The following NAP1L4 variants were observed in gnomAD, a reference collection of about 807,000 sequenced individuals.
NAP1L4 encodes the protein nucleosome assembly protein 1-like 4.
NAP1L4 carries 15 observed loss-of-function variants against 58.2 expected under a neutral mutation model. The observed-to-expected ratio is 0.26, with a 90% CI of 0.17 to 0.40. The LOEUF is 0.40. NAP1L4 is among the 10% of genes least tolerant of loss of function. The pLI, the probability that NAP1L4 is intolerant of heterozygous loss-of-function variation, is 1.00. For missense variants in NAP1L4, 384 were observed against 451.1 expected (o/e 0.85, Z 1.35); for synonymous variants, 171 against 155.6 (o/e 1.10, Z -0.74).
At chr11:2,991,258 G>C (rs1209826022) in intron 1 of NAP1L4, 1 of 415,782 alleles carries the variant, frequency 2.4e-6, no homozygotes, top group East Asian at 7.3e-5. Flanking sequence ...AGAGAACTGT[G>C]GACGGTGGAA....
At chr11:2,972,270 A>G (rs772465819) in intron 4 of NAP1L4, 27 bp from the exon 5 acceptor site, 1 of 1,578,690 alleles carries the variant, frequency 6.3e-7, no homozygotes, top group African/African-American at 1.4e-5. Flanking sequence ...GAAATACAAC[A>G]TCCTCATGCC....
intron 1 of NAP1L4, among the ~76,000 whole-genome samples, chr11:2,987,756 CAAAAAAAAAAA>C (rs57754393): frequency 1.4e-5 from 1 of 70,456 alleles, no homozygotes; most frequent in Non-Finnish European, 2.6e-5. Context: ...GACTCCACCT[CAAAAAAAAAAA>C]AAAAAAAAAA....
At chr11:2,985,672 T>C (rs1277474718) in intron 1 of NAP1L4, among the ~76,000 whole-genome samples, 1 of 152,210 alleles carries the variant, frequency 6.6e-6, no homozygotes, top group African/African-American at 2.4e-5. Flanking sequence ...TTATACATCA[T>C]AAATATAATT....
chr11:2,950,191 A>G (rs1316652265), intron 14 of NAP1L4, among the ~76,000 whole-genome samples: 1 of 152,278 alleles, frequency 6.6e-6, no homozygotes, highest in Non-Finnish European at 1.5e-5. Flanking sequence ...TGCTGCGCAC[A>G]GGTACGCTTT....
chr11:2,981,544 G>A (rs903395030), intron 1 of NAP1L4, among the ~76,000 whole-genome samples: 6 of 151,392 alleles, frequency 4.0e-5, no homozygotes, highest in South Asian at 4.2e-4. Context: ...ACCCTTTAAC[G>A]GAGGCCAGGT....
At chr11:2,968,930 A>T (rs1847454451) in intron 7 of NAP1L4, among the ~76,000 whole-genome samples, 1 of 151,922 alleles carries the variant, frequency 6.6e-6, no homozygotes. Flanking sequence ...CACTACAGAA[A>T]GTGAAATGTC....
intron 1 of NAP1L4, among the ~76,000 whole-genome samples, chr11:2,986,799 T>C (rs1042119689): frequency 1.5e-5 from 2 of 130,566 alleles, no homozygotes; most frequent in Admixed American, 7.8e-5. Context: ...TTTTTTTTTT[T>C]GTATTTTTAG....
chr11:2,956,586 T>C (rs958298080), intron 10 of NAP1L4, among the ~76,000 whole-genome samples: 1 of 152,216 alleles, frequency 6.6e-6, no homozygotes, highest in Non-Finnish European at 1.5e-5. Flanking sequence ...GACATGAATG[T>C]TGGGTGCGTA....
At chr11:2,979,088 C>A in intron 2 of NAP1L4, 119 bp downstream of exon 2, 3 of 998,604 alleles carry the variant, frequency 3.0e-6, no homozygotes, top group African/African-American at 1.7e-5. Context: ...AGAAATGAGC[C>A]ATCAGCTAGA....
intron 2 of NAP1L4, 45 bp downstream of exon 2, chr11:2,979,162 C>G: frequency 6.3e-7 from 1 of 1,590,042 alleles, no homozygotes; most frequent in Non-Finnish European, 8.6e-7. Context: ...TGTTGCTCAC[C>G]AACTGAATTT....
intron 12 of NAP1L4, among the ~76,000 whole-genome samples, chr11:2,953,499 G>C (rs1459764852): frequency 1.3e-5 from 2 of 152,252 alleles, no homozygotes; most frequent in Non-Finnish European, 2.9e-5. Context: ...TCCATCAACA[G>C]AGAAAGTTCT....
chr11:2,954,972 C>T lies in NAP1L4; in HGVS notation c.916-326G>A, dbSNP rs191277247. ...GCAGTATTAAAGCACTGCACATTTG[C>T]TACTGAAATCAACATATGAAACACA... is the stretch of plus-strand genomic sequence containing the variant. On this transcript the variant is annotated intron_variant, in intron 11 of 15. Transcript: ENST00000380542. This position sits in a 1 kb window ranked among gnomAD's most constrained non-coding sequence, Gnocchi z 4.8. Among the ~76,000 whole-genome samples, 1 of 152,220 alleles carries T rather than the reference C, an allele frequency of 6.6e-6. No individual in the cohort carries two copies. Among genetic ancestry groups the T allele is most frequent in the Admixed American group, 6.5e-5 (1 of 15,280 alleles).
rs1035348343 is a variant in NAP1L4 at position 2,944,573 on chromosome 11, G to A, written c.*1106C>T. On this transcript the variant is annotated 3_prime_UTR_variant, in exon 16 of 16. Transcript: ENST00000380542. ...GGTCAGTGCGGACACGGCCATCCCC[G>A]GCTGCCGGAGAGCGCCGTCACCCAC... 9 of 152,274 alleles carry A rather than the reference G, an allele frequency of 5.9e-5. No individual in the cohort carries two copies. Among genetic ancestry groups the A allele is most frequent in the African/African-American group, 1.2e-4 (5 of 41,448 alleles). The allele number at this position is 152,274 out of a possible 1,614,324, so 9.4% of individuals were successfully genotyped here. A position where few individuals can be genotyped will look rare whatever the true frequency, so the allele number is the denominator to read the frequency against.
At position 2,973,102 on chromosome 11, in the gene NAP1L4, C is replaced by A. The variant is rs946797887; in HGVS notation, c.174-859G>T. Among the ~76,000 whole-genome samples the A allele has an allele frequency of 3.9e-5, 6 of 152,218 alleles. No homozygotes were observed. The South Asian group carries it at 1.2e-3, about 32-fold the overall frequency. On this transcript the variant is annotated intron_variant, in intron 4 of 15. Transcript: ENST00000380542. ...CAAATATGGCCTATTCATAATCACACTGTCCAGGAATATTTAGTGCCACGT... is the reference window on the plus strand; with the variant it reads ...CAAATATGGCCTATTCATAATCACAATGTCCAGGAATATTTAGTGCCACGT...
At chr11:2,974,794 G>A (rs1847851218) in intron 4 of NAP1L4, among the ~76,000 whole-genome samples, 1 of 152,034 alleles carries the variant, frequency 6.6e-6, no homozygotes, top group Non-Finnish European at 1.5e-5. Context: ...AAATCACCAT[G>A]GCACATGTAT....
chr11:2,962,361 G>C (rs1331302111), intron 8 of NAP1L4, among the ~76,000 whole-genome samples: 1 of 152,222 alleles, frequency 6.6e-6, no homozygotes, highest in Non-Finnish European at 1.5e-5. Context: ...GGGTGACACT[G>C]TGCACACACC....
Position 2,949,637 on chromosome 11 carries a change from G to T in NAP1L4, c.1123-373C>A, listed in dbSNP as rs6578302. Among the ~76,000 whole-genome samples, 1 of 152,108 alleles carries T rather than the reference G, an allele frequency of 6.6e-6. No homozygotes were observed. The highest frequency in any genetic ancestry group is 2.1e-4 in the South Asian group (1 of 4,830). ...CACCATTAGCCGGAACATGTTTTTA[G>T]TCCCTTCTCCCCCAACCAACATAAC... On this transcript the variant is annotated intron_variant, in intron 14 of 15. Transcript: ENST00000380542. This position sits in a 1 kb window ranked among gnomAD's most constrained non-coding sequence, Gnocchi z 4.0.
rs1011570624 is a variant in NAP1L4 at position 2,952,752 on chromosome 11, G to A, written c.1036-943C>T. Reference sequence around the variant, plus strand: ...GTCAGATCCAACGAGCCTCCAGCAGGCTCCAGGGCCTATTCCAAGGCTCTA... The same window carrying A: ...GTCAGATCCAACGAGCCTCCAGCAGACTCCAGGGCCTATTCCAAGGCTCTA... On this transcript the variant is annotated intron_variant, in intron 12 of 15. Coordinates refer to ENST00000380542, the MANE Select transcript of NAP1L4 (RefSeq NM_005969.4). 7 of 152,196 alleles carry A rather than the reference G, an allele frequency of 4.6e-5. No homozygotes were observed. In the East Asian group the frequency reaches 1.3e-3, roughly 29 times the overall value. The allele number at this position is 152,196 out of a possible 1,614,324, so 9.4% of individuals were successfully genotyped here. A position where few individuals can be genotyped will look rare whatever the true frequency, so the allele number is the denominator to read the frequency against.
chr11:2,971,327 T>A lies in NAP1L4; in HGVS notation c.402+121A>T. Reference sequence around the variant, plus strand: ...AGAAAGGAATCTAAACCCAACCTAATGATGCAGCAGCACCTACTGTTAGAA... The same window carrying A: ...AGAAAGGAATCTAAACCCAACCTAAAGATGCAGCAGCACCTACTGTTAGAA... On this transcript the variant is annotated intron_variant, in intron 6 of 15. Coordinates refer to ENST00000380542, the MANE Select transcript of NAP1L4 (RefSeq NM_005969.4). This position sits in a 1 kb window ranked among gnomAD's most constrained non-coding sequence, Gnocchi z 4.2. The A allele has an allele frequency of 1.3e-6, 1 of 783,182 alleles. No individual in the cohort carries two copies. Among genetic ancestry groups the A allele is most frequent in the Non-Finnish European group, 2.0e-6 (1 of 488,232 alleles). The allele number at this position is 783,182 out of a possible 1,614,324, so 48.5% of individuals were successfully genotyped here.
Sources: gnomAD v4.1 joint callset for allele counts (sites outside exome capture counted in the v4.1 genomes callset) on GRCh38, gnomAD v4.1.1 for gene constraint, Gnocchi (gnomAD v3.1) non-coding constraint, MANE v1.5 for transcripts, NCBI Gene and HGNC (gene_info 2026-07-23, HGNC 2026-07-21) for gene names.